Variants in RTN4 observed in about 807,000 individuals in gnomAD.
RTN4 encodes reticulon 4, also known as reticulon-4.
RTN4 carries 32 observed loss-of-function variants against 90.4 expected under a neutral mutation model. That is an observed-to-expected ratio of 0.35 (90% CI 0.27 to 0.48). The LOEUF (loss-of-function observed/expected upper bound fraction) is 0.48. Among genes scored for constraint, RTN4 ranks in the 20% least tolerant of loss-of-function variants. RTN4 has a pLI of 0.99. For missense variants in RTN4, 1,706 were observed against 1,430.2 expected (o/e 1.19, Z -3.11); for synonymous variants, 629 against 552.5 (o/e 1.14, Z -1.94).
At chr2:55,006,583 T>C (rs1412668494) in intron 3 of RTN4, among the ~76,000 whole-genome samples, 1 of 152,176 alleles carries the variant, frequency 6.6e-6, no homozygotes, top group African/African-American at 2.4e-5. Flanking sequence ...TATAATTATA[T>C]TGAGTTTTAA....
chr2:55,059,520 A>G (rs1161295336), intron 2 of RTN4, among the ~76,000 whole-genome samples: 2 of 151,966 alleles, frequency 1.3e-5, no homozygotes, highest in Non-Finnish European at 2.9e-5. Context: ...CACCTGGCTA[A>G]TTTTTGTATA....
chr2:55,063,752 G>A (rs1240004392), intron 2 of RTN4, among the ~76,000 whole-genome samples: 4 of 151,986 alleles, frequency 2.6e-5, no homozygotes, highest in Non-Finnish European at 5.9e-5. Flanking sequence ...GTGGTGGTGG[G>A]CGCCTGTAGT....
In RTN4 at chr2:55,049,726, G is replaced by A. The variant is rs1038674575; in HGVS notation, c.556+19C>T. 3 of 1,396,958 alleles carry A rather than the reference G, an allele frequency of 2.1e-6. No individual in the cohort carries two copies. The highest frequency in any genetic ancestry group is 1.5e-5 in the African/African-American group (1 of 66,892). 86.5% of individuals were successfully genotyped at this position (1,396,958 alleles called of 1,614,324 possible). ...AGGGGCGCGAGGGGCGGCGCGAAGC[G>A]AGAGGTCGCGGCACTCACCCACTGA... is the stretch of plus-strand genomic sequence containing the variant. On this transcript the variant is annotated intron_variant, in intron 1 of 8. Coordinates refer to ENST00000337526, the MANE Select transcript of RTN4 (RefSeq NM_020532.5).
At chr2:55,060,925 A>T (rs1488200344) in intron 2 of RTN4, among the ~76,000 whole-genome samples, 1 of 152,166 alleles carries the variant, frequency 6.6e-6, no homozygotes, top group Admixed American at 6.5e-5. Context: ...GTCTCAAAAT[A>T]AAGAAGACTT....
At chr2:55,040,372 G>T (rs1270480573) in intron 1 of RTN4, among the ~76,000 whole-genome samples, 1 of 151,922 alleles carries the variant, frequency 6.6e-6, no homozygotes, top group Non-Finnish European at 1.5e-5. Flanking sequence ...CTCTTCAGAA[G>T]AGAATAAATA....
chr2:55,025,964 G>C lies in RTN4; in HGVS notation c.2135C>G (p.Ala712Gly), dbSNP rs778764938. ...IKETKLSAEP[A>G]PDFSDYSEMA... is the part of the protein sequence containing the mutation. ...TTCTGAATAATCAGAGAAATCCGGA[G>C]CTGGTTCAGCAGAAAGCTTTGTTTC... Residue 712 changes from alanine (A) to glycine (G), a missense_variant, in exon 3 of 9, where the codon GCT (alanine) becomes GGT (glycine). Coordinates refer to ENST00000337526, the MANE Select transcript of RTN4 (RefSeq NM_020532.5). 5 of 1,612,918 alleles carry C rather than the reference G, an allele frequency of 3.1e-6. No homozygotes were observed. The South Asian group carries it at 4.4e-5, about 14-fold the overall frequency.
At chr2:55,116,521 C>T (rs1369913265), upstream of RTN4, among the ~76,000 whole-genome samples, 1 of 152,164 alleles carries the variant, frequency 6.6e-6, no homozygotes, top group Non-Finnish European at 1.5e-5. Flanking sequence ...ATATAGGATT[C>T]CAGTAGCTGA....
Position 55,025,672 on chromosome 2 carries a change from G to T in RTN4, c.2427C>A (p.Asn809Lys). ...YLESFKLSLD[N>K]TKDTLLPDEV... ...CATCAGGTAACAGGGTATCTTTTGT[G>T]TTATCTAAACTGAGCTTAAAAGATT... The change falls in exon 3 of 9, where the codon AAC (asparagine) becomes AAA (lysine). Residue 809 changes from asparagine (N) to lysine (K), a missense_variant. Asn to Lys is a moderately conservative substitution (Grantham distance 94). Transcript: ENST00000337526. The T allele has an allele frequency of 6.2e-7, 1 of 1,613,808 alleles. No individual in the cohort carries two copies. Among genetic ancestry groups the T allele is most frequent in the Non-Finnish European group, 8.5e-7 (1 of 1,179,806 alleles).
chr2:55,101,339 C>T (rs1667849405), intron 1 of RTN4, among the ~76,000 whole-genome samples: 1 of 151,906 alleles, frequency 6.6e-6, no homozygotes. Context: ...GTAACTTGTT[C>T]AGAAGAGTGA....
chr2:55,118,150 C>T, the RTN4 span, among the ~76,000 whole-genome samples: 1 of 152,072 alleles, frequency 6.6e-6, no homozygotes, highest in African/African-American at 2.4e-5. Flanking sequence ...AGTCTACTCT[C>T]AAAATTTTGC....
At chr2:55,051,858 T>G (rs537667358), upstream of RTN4, among the ~76,000 whole-genome samples, 3 of 152,336 alleles carry the variant, frequency 2.0e-5, no homozygotes, top group African/African-American at 7.2e-5. Context: ...TTAAATTAAT[T>G]TTACTTGTTC....
rs542095773 is a variant in RTN4 at position 55,072,322 on chromosome 2, C to T, written c.-63+8167G>A. On this transcript the variant is annotated intron_variant, in intron 2 of 3. Transcript: ENST00000427710. The stretch of plus-strand genomic sequence containing the variant: ...TCTGCTCACTGCAAGCTCCACCTCC[C>T]GTGTTCACGCCATTCTCCTGCCTCA... Among the ~76,000 whole-genome samples, 4 of 152,222 alleles carry T rather than the reference C, an allele frequency of 2.6e-5. No individual in the cohort carries two copies. In the South Asian group the frequency reaches 6.2e-4, roughly 24 times the overall value.
At chr2:55,106,537 T>A (rs78429612) in intron 1 of RTN4, among the ~76,000 whole-genome samples, 85 of 152,184 alleles carry the variant, frequency 5.6e-4, no homozygotes, top group Admixed American at 5.2e-3. Context: ...CTTTTTTTTT[T>A]AAATGGAGTT....
At position 55,085,855 on chromosome 2, in the gene RTN4, C is replaced by T. The variant is rs544230220; in HGVS notation, c.-213-5216G>A. The stretch of plus-strand genomic sequence containing the variant: ...TCGCTGCACATTTGTTGGATCATAA[C>T]AAATCAAATCTGTAGCCCCTTAATG... On this transcript the variant is annotated intron_variant, in intron 1 of 3. Coordinates refer to the RTN4 transcript ENST00000427710. 2.0e-5 allele frequency among the ~76,000 whole-genome samples: 3 copies of T among 152,258 alleles called. No individual in the cohort carries two copies. The South Asian group carries it at 6.2e-4, about 32-fold the overall frequency.
At chr2:55,136,502 T>C in the RTN4 span, among the ~76,000 whole-genome samples, 1 of 152,254 alleles carries the variant, frequency 6.6e-6, no homozygotes, top group East Asian at 1.9e-4. Flanking sequence ...GTTCCTGCGC[T>C]AAAACTTTTT....
chr2:54,976,740 G>A (rs1677667506), intron 5 of RTN4, among the ~76,000 whole-genome samples: 1 of 152,138 alleles, frequency 6.6e-6, no homozygotes, highest in African/African-American at 2.4e-5. Context: ...CACAAATGAT[G>A]GATTTGTAAC....
At chr2:55,061,638 A>G (rs776196273) in intron 2 of RTN4, among the ~76,000 whole-genome samples, 1 of 152,226 alleles carries the variant, frequency 6.6e-6, no homozygotes, top group Non-Finnish European at 1.5e-5. Flanking sequence ...GAATGTCCCA[A>G]CTTCTCAACT....
chr2:55,049,272 C>A (rs1001164240), intron 1 of RTN4: 3 of 600,446 alleles, frequency 5.0e-6, no homozygotes, highest in Non-Finnish European at 4.2e-6. Context: ...GAATGCAGGC[C>A]AACAGACCCG....
chr2:55,136,141 C>G, the RTN4 span, among the ~76,000 whole-genome samples: 3 of 152,314 alleles, frequency 2.0e-5, no homozygotes, highest in South Asian at 6.2e-4. Context: ...CAGCCGCTTC[C>G]TGATAAGATC....
Sources: gnomAD v4.1 joint callset for allele counts (sites outside exome capture counted in the v4.1 genomes callset) on GRCh38, gnomAD v4.1.1 for gene constraint, MANE v1.5 for transcripts, NCBI Gene and HGNC (gene_info 2026-07-23, HGNC 2026-07-21) for gene names.